Variants in IL1RAPL2 observed in about 807,000 individuals in gnomAD.
The protein encoded by IL1RAPL2 is X-linked interleukin-1 receptor accessory protein-like 2.
In IL1RAPL2, 3 loss-of-function variants were observed where a neutral mutation model predicts 44.1. The observed-to-expected ratio is 0.07, with a 90% CI of 0.03 to 0.18. The LOEUF (loss-of-function observed/expected upper bound fraction) is 0.18. IL1RAPL2 is among the 10% of genes least tolerant of loss of function. IL1RAPL2 has a pLI of 1.00. For synonymous variants in IL1RAPL2, 181 were observed against 178.8 expected (o/e 1.01, Z -0.10); for missense variants, 391 against 496.4 (o/e 0.79, Z 2.02).
intron 2 of IL1RAPL2, among the ~76,000 whole-genome samples, chrX:104,955,429 C>T (rs955640580): frequency 1.9e-5 from 2 of 107,932 alleles, no homozygotes; most frequent in East Asian, 2.9e-4. Context: ...CCCCTCTGTC[C>T]GGACAACAGA....
At chrX:105,124,304 CAG>C (rs1167457183) in intron 2 of IL1RAPL2, among the ~76,000 whole-genome samples, 2 of 110,129 alleles carry the variant, frequency 1.8e-5, no homozygotes, top group Non-Finnish European at 3.8e-5. Context: ...CTAGAGAAAA[CAG>C]AAATCTCTAC....
intron 2 of IL1RAPL2, among the ~76,000 whole-genome samples, chrX:104,903,823 C>T (rs1923889501): frequency 9.0e-6 from 1 of 111,332 alleles, no homozygotes; most frequent in African/African-American, 3.3e-5. Context: ...AGGCAATCCG[C>T]CAGCCTCAGC....
chrX:104,812,058 C>T (rs959815618), intron 2 of IL1RAPL2, among the ~76,000 whole-genome samples: 4 of 111,170 alleles, frequency 3.6e-5, no homozygotes, highest in African/African-American at 1.3e-4. Flanking sequence ...AAGGGCAATG[C>T]AAATGGCCTG....
At chrX:105,650,205 A>G (rs2037633636) in intron 6 of IL1RAPL2, among the ~76,000 whole-genome samples, 1 of 111,349 alleles carries the variant, frequency 9.0e-6, no homozygotes, top group Non-Finnish European at 1.9e-5. Flanking sequence ...TGCTAGTAAC[A>G]CCAATATCCC....
chrX:104,577,609 G>C (rs1408437860), intron 1 of IL1RAPL2, among the ~76,000 whole-genome samples: 2 of 111,902 alleles, frequency 1.8e-5, no homozygotes, highest in African/African-American at 6.5e-5. Flanking sequence ...GAAAGTACAA[G>C]GGTGGTCGGG....
intron 1 of IL1RAPL2, among the ~76,000 whole-genome samples, chrX:104,569,510 T>A (rs1210916188): frequency 8.9e-6 from 1 of 112,211 alleles, no homozygotes; most frequent in African/African-American, 3.2e-5. Flanking sequence ...GATGGTGAGA[T>A]AACCTGGAGA....
chrX:105,435,281 A>T (rs1448434957), intron 5 of IL1RAPL2, among the ~76,000 whole-genome samples: 1 of 112,070 alleles, frequency 8.9e-6, no homozygotes, highest in East Asian at 2.8e-4. Flanking sequence ...AACAACAAAC[A>T]TATGAAAAAA....
At chrX:104,719,065 A>G (rs181993847) in intron 2 of IL1RAPL2, among the ~76,000 whole-genome samples, 6 of 112,545 alleles carry the variant, frequency 5.3e-5, no homozygotes, top group Non-Finnish European at 7.5e-5. Context: ...CCTGTTTACC[A>G]AAAGGTGAGC....
At chrX:104,576,550 T>A (rs1262506601) in intron 1 of IL1RAPL2, among the ~76,000 whole-genome samples, 3 of 111,611 alleles carry the variant, frequency 2.7e-5, no homozygotes, top group Admixed American at 9.5e-5. Flanking sequence ...GAGGTGGTAA[T>A]TGCAATCTGT....
chrX:104,946,745 T>G, intron 2 of IL1RAPL2, among the ~76,000 whole-genome samples: 1 of 100,766 alleles, frequency 9.9e-6, no homozygotes, highest in Non-Finnish European at 2.0e-5. Context: ...GGACATGAAC[T>G]CATCCTTTTT....
intron 1 of IL1RAPL2, among the ~76,000 whole-genome samples, chrX:104,614,723 A>G (rs147395070): frequency 0.028 from 3,153 of 111,983 alleles, 128 homozygotes; most frequent in African/African-American, 0.097. Context: ...GTACATATTT[A>G]GGATATTTTA....
intron 5 of IL1RAPL2, among the ~76,000 whole-genome samples, chrX:105,279,847 A>G (rs2034516944): frequency 8.9e-6 from 1 of 112,308 alleles, no homozygotes; most frequent in Admixed American, 9.4e-5. Context: ...AAATGGCCAT[A>G]CTGCCCGAAG....
intron 2 of IL1RAPL2, among the ~76,000 whole-genome samples, chrX:104,712,252 G>T (rs1462491273): frequency 9.0e-6 from 1 of 110,516 alleles, no homozygotes; most frequent in Admixed American, 9.7e-5. Flanking sequence ...GCAAAGTGAG[G>T]ACCAATTTAA....
At chrX:105,268,664 G>C (rs1387164189) in intron 5 of IL1RAPL2, among the ~76,000 whole-genome samples, 3 of 110,866 alleles carry the variant, frequency 2.7e-5, no homozygotes, top group Non-Finnish European at 5.7e-5. Context: ...AGCTACTAGG[G>C]AGGCTGAGAC....
At chrX:105,290,857 T>C (rs971427601) in intron 5 of IL1RAPL2, among the ~76,000 whole-genome samples, 6 of 111,222 alleles carry the variant, frequency 5.4e-5, no homozygotes, top group African/African-American at 2.0e-4. Flanking sequence ...TTGATGGAGA[T>C]AGATTTTCTT....
intron 2 of IL1RAPL2, among the ~76,000 whole-genome samples, chrX:104,832,032 G>A (rs1031416631): frequency 2.0e-4 from 22 of 109,953 alleles, no homozygotes; most frequent in Non-Finnish European, 4.0e-4. Flanking sequence ...CTTTTCCTTT[G>A]TCTGCCTATG....
rs1160905791 is a variant in IL1RAPL2 at position 104,582,600 on chromosome X, C to CTT, written c.-20+15551_-20+15552dup. ...TCTTTTTCTTTCTTTCTTTCTTTTT[C>CTT]TTTCTTTCTTTCTTTCTTTCTTTCT... On this transcript the variant is annotated intron_variant, in intron 1 of 10. Transcript: ENST00000372582. Among the ~76,000 whole-genome samples the CTT allele has an allele frequency of 8.2e-3, 229 of 27,844 alleles. 1 individual carries two copies. The highest frequency in any genetic ancestry group is 0.013 in the Non-Finnish European group (178 of 13,979). The allele number at this position is 27,844 out of a possible 115,157, so 24.2% of individuals were successfully genotyped here.
chrX:105,415,129 A>G (rs768105772), intron 5 of IL1RAPL2, among the ~76,000 whole-genome samples: 1 of 112,212 alleles, frequency 8.9e-6, no homozygotes, highest in East Asian at 2.8e-4. Context: ...ATAAGTAGCT[A>G]TATTCCATTG....
chrX:105,309,661 G>T (rs1332333076), intron 5 of IL1RAPL2, among the ~76,000 whole-genome samples: 5 of 109,317 alleles, frequency 4.6e-5, no homozygotes, highest in African/African-American at 1.7e-4. Context: ...GAGCCTGGGA[G>T]GTGGATGTTT....
Sources: gnomAD v4.1 joint callset for allele counts (sites outside exome capture counted in the v4.1 genomes callset) on GRCh38, gnomAD v4.1.1 for gene constraint, MANE v1.5 for transcripts, NCBI Gene and HGNC (gene_info 2026-07-23, HGNC 2026-07-21) for gene names.